WWP1: variants seen among roughly 807,000 people sequenced by gnomAD.
The protein encoded by WWP1 is NEDD4-like E3 ubiquitin-protein ligase WWP1.
In WWP1, 49 loss-of-function variants were observed where a neutral mutation model predicts 130.6. The observed-to-expected ratio is 0.38, with a 90% CI of 0.30 to 0.48. WWP1 has a LOEUF of 0.48. Ranked by LOEUF, WWP1 falls within the 20% of genes least tolerant of loss-of-function variation. The pLI, the probability that WWP1 is intolerant of heterozygous loss-of-function variation, is 0.99. For synonymous variants in WWP1, 332 were observed against 367.8 expected (o/e 0.90, Z 1.11); for missense variants, 809 against 1,100.6 (o/e 0.74, Z 3.75).
At chr8:86,460,939 A>G (rs1181193198) in intron 22 of WWP1, among the ~76,000 whole-genome samples, 4 of 151,106 alleles carry the variant, frequency 2.6e-5, no homozygotes, top group Non-Finnish European at 2.9e-5. Context: ...CCTCTCGAGT[A>G]GCTGGGACTA....
intron 2 of WWP1, among the ~76,000 whole-genome samples, chr8:86,371,544 A>G (rs1050043425): frequency 2.0e-5 from 3 of 152,192 alleles, no homozygotes; most frequent in African/African-American, 7.2e-5. Flanking sequence ...TAATGAATTT[A>G]AAAATGACAT....
chr8:86,445,515 T>C (rs1413501346), intron 18 of WWP1, among the ~76,000 whole-genome samples: 1 of 152,184 alleles, frequency 6.6e-6, no homozygotes, highest in Non-Finnish European at 1.5e-5. Context: ...GATTTCATTC[T>C]TTTTTTGGCT....
At chr8:86,415,231 T>A (rs1039771745) in intron 9 of WWP1, among the ~76,000 whole-genome samples, 1 of 152,118 alleles carries the variant, frequency 6.6e-6, no homozygotes, top group Non-Finnish European at 1.5e-5. Context: ...GTTTTTTGAG[T>A]CTCCTGTCCA....
chr8:86,381,466 T>C (rs750624295), intron 4 of WWP1, 39 bp from the exon 5 acceptor site: 2 of 1,585,332 alleles, frequency 1.3e-6, no homozygotes, highest in Admixed American at 3.9e-5. Flanking sequence ...AATGACAACG[T>C]CTACTCCTGT....
chr8:86,467,150 A>T lies in WWP1; in HGVS notation c.*257A>T, dbSNP rs1812219696. 3.3e-6 allele frequency: 1 copy of T among 304,666 alleles called. No homozygotes were observed. Among genetic ancestry groups the T allele is most frequent in the Non-Finnish European group, 6.0e-6 (1 of 166,264 alleles). The allele number at this position is 304,666 out of a possible 1,614,324, so 18.9% of individuals were successfully genotyped here. On this transcript the variant is annotated 3_prime_UTR_variant, in exon 25 of 25. Coordinates refer to ENST00000517970, the MANE Select transcript of WWP1 (RefSeq NM_007013.4). Reference sequence around the variant, plus strand: ...AAGTGAGAGACTTTATTAAAAATACATATATATCTATATAAACATATATGA... The same window carrying T: ...AAGTGAGAGACTTTATTAAAAATACTTATATATCTATATAAACATATATGA...
At chr8:86,397,707 G>T (rs1412298281) in intron 5 of WWP1, among the ~76,000 whole-genome samples, 2 of 152,130 alleles carry the variant, frequency 1.3e-5, no homozygotes, top group Non-Finnish European at 2.9e-5. Context: ...GAAGCAAAAT[G>T]ACCTTGAGTT....
chr8:86,361,856 C>A (rs1022316943), intron 1 of WWP1, among the ~76,000 whole-genome samples: 1 of 151,668 alleles, frequency 6.6e-6, no homozygotes, highest in African/African-American at 2.4e-5. Flanking sequence ...AAAATTGAGT[C>A]ACGTGTCTGT....
At chr8:86,414,128 G>T (rs1015250860) in intron 9 of WWP1, among the ~76,000 whole-genome samples, 3 of 152,150 alleles carry the variant, frequency 2.0e-5, no homozygotes, top group Non-Finnish European at 4.4e-5. Context: ...ACCAGCATTT[G>T]AACACATAAT....
Sources: gnomAD v4.1 joint callset for allele counts (sites outside exome capture counted in the v4.1 genomes callset) on GRCh38, gnomAD v4.1.1 for gene constraint, MANE v1.5 for transcripts, NCBI Gene and HGNC (gene_info 2026-07-23, HGNC 2026-07-21) for gene names.